COPS2: variants seen among roughly 807,000 people sequenced by gnomAD.
COPS2 encodes COP9 signalosome subunit 2.
Under a neutral mutation model 66.1 loss-of-function variants are expected in COPS2, and 10 were observed. The observed-to-expected ratio is 0.15, with a 90% confidence interval of 0.09 to 0.26. The LOEUF is 0.26. Among genes scored for constraint, COPS2 ranks in the 10% least tolerant of loss-of-function variants. The probability of loss-of-function intolerance (pLI) is 1.00; values close to 1 mark genes in which losing one functional copy is unlikely to be tolerated. For synonymous variants in COPS2, 179 were observed against 171.3 expected (o/e 1.04, Z -0.35); for missense variants, 215 against 513.3 (o/e 0.42, Z 5.62).
chr15:49,132,120 G>A (rs2084214374), intron 9 of COPS2, among the ~76,000 whole-genome samples: 2 of 152,080 alleles, frequency 1.3e-5, no homozygotes, highest in Admixed American at 1.3e-4. Context: ...AGTTTTAAAA[G>A]TGTAAACTGC....
chr15:49,144,959 A>G lies in COPS2; in HGVS notation c.168+6T>C. The G allele has an allele frequency of 1.3e-6, 2 of 1,502,140 alleles. No individual in the cohort carries two copies. The highest frequency in any genetic ancestry group is 1.8e-6 in the Non-Finnish European group (2 of 1,099,656). 93.1% of individuals were successfully genotyped at this position (1,502,140 alleles called of 1,614,324 possible). On this transcript the variant is annotated splice_donor_region_variant and intron_variant, in intron 2 of 12. Coordinates refer to ENST00000388901, the MANE Select transcript of COPS2 (RefSeq NM_004236.4). ...CACATAGAATCAAATGGAAAAGAAT[A>G]TAAACCTTTTGGAAACTGCTTAATG... is the stretch of plus-strand genomic sequence containing the variant.
intron 6 of COPS2, among the ~76,000 whole-genome samples, chr15:49,136,845 T>C (rs963870305): frequency 1.3e-5 from 2 of 151,884 alleles, no homozygotes; most frequent in Admixed American, 6.6e-5. Flanking sequence ...AAAAATTAGC[T>C]GGGCATGGTG....
At chr15:49,128,943 T>C (rs1322648117) in intron 11 of COPS2, among the ~76,000 whole-genome samples, 183 bp from the exon 12 acceptor site, 1 of 152,218 alleles carries the variant, frequency 6.6e-6, no homozygotes, top group Admixed American at 6.5e-5. Context: ...AAGACTTAAA[T>C]TTTTAACTTC....
chr15:49,126,349 T>C lies in COPS2; in HGVS notation c.*1601A>G, dbSNP rs988948971. ...GGATTATATATTTTTAGTATAAATA[T>C]ATATCACATATTTTCGTAAAATTTT... On this transcript the variant is annotated 3_prime_UTR_variant, in exon 13 of 13. Coordinates refer to ENST00000388901, the MANE Select transcript of COPS2 (RefSeq NM_004236.4). The C allele has an allele frequency of 3.3e-5, 5 of 152,396 alleles. No individual in the cohort carries two copies. Among genetic ancestry groups the C allele is most frequent in the Admixed American group, 3.3e-4 (5 of 15,266 alleles). 9.4% of individuals were successfully genotyped at this position (152,396 alleles called of 1,614,324 possible).
rs1595817393 is a variant in COPS2, at chr15:49,124,711, T to C, written c.*3239A>G. 1 of 152,320 alleles carries C rather than the reference T, an allele frequency of 6.6e-6. No homozygotes were observed. Among genetic ancestry groups the C allele is most frequent in the East Asian group, 1.9e-4 (1 of 5,186 alleles). The allele number at this position is 152,320 out of a possible 1,614,324, so 9.4% of individuals were successfully genotyped here. ...TAGAAATATTTAGTCATAAATCCCA[T>C]ATGAAGAATGAAACTCCCAGCTTTA... On this transcript the variant is annotated 3_prime_UTR_variant, in exon 13 of 13. Transcript: ENST00000388901.
At chr15:49,130,146 T>A (rs1450501062) in intron 10 of COPS2, among the ~76,000 whole-genome samples, 1 of 152,176 alleles carries the variant, frequency 6.6e-6, no homozygotes, top group Non-Finnish European at 1.5e-5. Context: ...GCATCTGAAA[T>A]TTAGTTCCAA....
rs1021219441 is a variant in COPS2 at position 49,123,405 on chromosome 15, A to C, written c.*4545T>G. The C allele has an allele frequency of 6.6e-6, 1 of 152,228 alleles. No individual in the cohort carries two copies. The highest frequency in any genetic ancestry group is 1.5e-5 in the Non-Finnish European group (1 of 68,030). The allele number at this position is 152,228 out of a possible 1,614,324, so 9.4% of individuals were successfully genotyped here. A position where few individuals can be genotyped will look rare whatever the true frequency, so the allele number is the denominator to read the frequency against. On this transcript the variant is annotated 3_prime_UTR_variant, in exon 13 of 13. Coordinates refer to ENST00000388901, the MANE Select transcript of COPS2 (RefSeq NM_004236.4). ...GAAACCTAGTCATAACACGCAAGTTACTGGTACACTGGTAATTCTTTTCAT... is the reference window on the plus strand; with the variant it reads ...GAAACCTAGTCATAACACGCAAGTTCCTGGTACACTGGTAATTCTTTTCAT...
chr15:49,144,290 T>C lies in COPS2; in HGVS notation c.183A>G (p.Glu61=). 5.6e-6 allele frequency: 9 copies of C among 1,607,336 alleles called. No homozygotes were observed. Among genetic ancestry groups the C allele is most frequent in the Non-Finnish European group, 7.7e-6 (9 of 1,175,216 alleles). Residue 61 remains glutamate, a synonymous_variant, in exon 3 of 13, where the codon GAA becomes GAG. Coordinates refer to ENST00000388901, the MANE Select transcript of COPS2 (RefSeq NM_004236.4). ...TAAATCCCCATTCTCCTTTTTCACC[T>C]TCAAGTTCCAAAACCTAAAAAGAGG... The part of the protein sequence containing the change: ...LSSFQKVLEL[E]GEKGEWGFKA...
In COPS2 at chr15:49,149,134, TA is replaced by T. The variant is rs200861612; in HGVS notation, c.55-4057del. Among the ~76,000 whole-genome samples, 284 of 152,118 alleles carry T rather than the reference TA, an allele frequency of 1.9e-3. 2 individuals carry two copies. Among genetic ancestry groups the T allele is most frequent in the African/African-American group, 6.3e-3 (263 of 41,518 alleles). Reference sequence around the variant, plus strand: ...GAACAGTTGTAAAAGGGATTAAAAATAAAAAAACCCCCTAAAGTTCAATAAT... The same window carrying T: ...GAACAGTTGTAAAAGGGATTAAAAATAAAAAACCCCCTAAAGTTCAATAAT... On this transcript the variant is annotated intron_variant, in intron 1 of 12. Transcript: ENST00000388901.
rs941161855 is a variant in COPS2 at position 49,130,748 on chromosome 15, T to C, written c.1016A>G (p.Asp339Gly). ...ILKTNHSNIM[D>G]DPFIREHIEE... ...AATGTGTTCTCTTATGAAAGGATCATCCATGATGTTGCTGTGATTTGTTTT... is the reference window on the plus strand; with the variant it reads ...AATGTGTTCTCTTATGAAAGGATCACCCATGATGTTGCTGTGATTTGTTTT... Residue 339 changes from aspartate (D) to glycine (G), a missense_variant, in exon 10 of 13, where the codon GAT (aspartate) becomes GGT (glycine). Asp to Gly is a moderately conservative substitution (Grantham distance 94, BLOSUM62 -1). Transcript: ENST00000388901. The C allele has an allele frequency of 2.5e-6, 4 of 1,603,310 alleles. No individual in the cohort carries two copies. Among genetic ancestry groups the C allele is most frequent in the Non-Finnish European group, 3.4e-6 (4 of 1,171,076 alleles).
intron 4 of COPS2, chr15:49,139,190 T>G (rs2084273501): frequency 5.5e-6 from 1 of 180,208 alleles, no homozygotes; most frequent in Non-Finnish European, 1.1e-5. Flanking sequence ...TTCAGTGTAT[T>G]TAACACCTCA....
At chr15:49,138,772 G>C (rs1036047876) in intron 4 of COPS2, among the ~76,000 whole-genome samples, 1 of 152,008 alleles carries the variant, frequency 6.6e-6, no homozygotes, top group Non-Finnish European at 1.5e-5. Context: ...AACATTCTTT[G>C]ATTACGAGTA....
At position 49,127,368 on chromosome 15, in the gene COPS2, T is replaced by C. The variant is rs2084175568; in HGVS notation, c.*582A>G. The C allele has an allele frequency of 6.5e-6, 1 of 152,672 alleles. No homozygotes were observed. Among genetic ancestry groups the C allele is most frequent in the African/African-American group, 2.4e-5 (1 of 41,456 alleles). 9.5% of individuals were successfully genotyped at this position (152,672 alleles called of 1,614,324 possible). A position where few individuals can be genotyped will look rare whatever the true frequency, so the allele number is the denominator to read the frequency against. ...ACTACAATTTCTGAGCTGCACTGTT[T>C]ATTTTGCTGCTTGAAACCTAAGTGA... On this transcript the variant is annotated 3_prime_UTR_variant, in exon 13 of 13. Coordinates refer to ENST00000388901, the MANE Select transcript of COPS2 (RefSeq NM_004236.4).
rs569629874 is a variant in COPS2, at chr15:49,125,034, T to A, written c.*2916A>T. The A allele has an allele frequency of 6.6e-6, 1 of 152,250 alleles. No individual in the cohort carries two copies. Among genetic ancestry groups the A allele is most frequent in the Admixed American group, 6.5e-5 (1 of 15,296 alleles). 9.4% of individuals were successfully genotyped at this position (152,250 alleles called of 1,614,324 possible). On this transcript the variant is annotated 3_prime_UTR_variant, in exon 13 of 13. Transcript: ENST00000388901. ...AAAATTTCCCACAAAATTTCTACCA[T>A]CATGGATATTTTAAATATTAAGAAT...
At chr15:49,134,594 A>C in intron 6 of COPS2, 80 bp from the exon 7 acceptor site, 1 of 1,116,188 alleles carries the variant, frequency 9.0e-7, no homozygotes, top group African/African-American at 1.6e-5. Flanking sequence ...GAAATCTTAC[A>C]TTTATAATAC....
At chr15:49,150,317 A>T (rs1272218469) in intron 1 of COPS2, among the ~76,000 whole-genome samples, 1 of 151,922 alleles carries the variant, frequency 6.6e-6, no homozygotes, top group Non-Finnish European at 1.5e-5. Context: ...ATTTATTTGC[A>T]GACATTTTTC....
At position 49,139,597 on chromosome 15, in the gene COPS2, A is replaced by T; in HGVS notation, c.303T>A (p.Ser101Arg). The T allele has an allele frequency of 6.2e-7, 1 of 1,601,084 alleles. No individual in the cohort carries two copies. Among genetic ancestry groups the T allele is most frequent in the Non-Finnish European group, 8.6e-7 (1 of 1,169,126 alleles). The change falls in exon 4 of 13, where the codon AGT becomes AGA. Residue 101 changes from serine (S) to arginine (R), a missense_variant. Ser to Arg is a moderately radical substitution (Grantham distance 110). This residue lies in a region of COPS2 where 90 missense variants were observed against 225.1 expected (regional missense o/e 0.40). Coordinates refer to ENST00000388901, the MANE Select transcript of COPS2 (RefSeq NM_004236.4). ...TTTCAGAATAATTTCTTGTGACTGCACTCCGAATATAGGTCAATAGCTGCT... is the reference window on the plus strand; with the variant it reads ...TTTCAGAATAATTTCTTGTGACTGCTCTCCGAATATAGGTCAATAGCTGCT... The part of the protein sequence containing the change: ...RYKQLLTYIR[S>R]AVTRNYSEKS...
intron 4 of COPS2, among the ~76,000 whole-genome samples, chr15:49,138,052 T>TC (rs1355803862): frequency 6.6e-6 from 1 of 152,188 alleles, no homozygotes; most frequent in Non-Finnish European, 1.5e-5. Flanking sequence ...ACTAAGTAAC[T>TC]CAACTGCATA....
chr15:49,139,212 T>C (rs16962101), intron 4 of COPS2: 11,673 of 199,126 alleles, frequency 0.059, 774 homozygotes, highest in African/African-American at 0.17. Flanking sequence ...AATGGCTAGC[T>C]AAAGTGTTAA....
Sources: gnomAD v4.1 joint callset for allele counts (sites outside exome capture counted in the v4.1 genomes callset) on GRCh38, gnomAD v4.1.1 for gene constraint, gnomAD v4.1.1 regional missense constraint, MANE v1.5 for transcripts, NCBI Gene and HGNC (gene_info 2026-07-23, HGNC 2026-07-21) for gene names.